DPP10: variants seen among roughly 807,000 people sequenced by gnomAD.
DPP10 encodes dipeptidyl peptidase like 10.
DPP10 carries 33 observed loss-of-function variants against 120.9 expected under a neutral mutation model. That is an observed-to-expected ratio of 0.27 (90% CI 0.21 to 0.37). The LOEUF is 0.37. Ranked by LOEUF, DPP10 falls within the 10% of genes least tolerant of loss-of-function variation. The probability of loss-of-function intolerance (pLI) is 1.00; values close to 1 mark genes in which losing one functional copy is unlikely to be tolerated. For synonymous variants in DPP10, 337 were observed against 326.1 expected, an observed-to-expected ratio of 1.03 and a Z score of -0.36; for missense variants, 816 against 942.8, an observed-to-expected ratio of 0.87 and a Z score of 1.76.
intron 1 of DPP10, among the ~76,000 whole-genome samples, chr2:114,966,876 T>C (rs1279252086): frequency 6.6e-6 from 1 of 152,058 alleles, no homozygotes; most frequent in Non-Finnish European, 1.5e-5. Context: ...ACCCTGCCTC[T>C]ACTTAAAATA....
Position 115,023,258 on chromosome 2 carries a change from A to G in DPP10, c.61-285981A>G, listed in dbSNP as rs138238399. ...TCTTCACAATCTATATATCCAACAA[A>G]GACTAATATCCAGAATCTACAAAAA... On this transcript the variant is annotated intron_variant, in intron 1 of 25. Coordinates refer to ENST00000410059, the MANE Select transcript of DPP10 (RefSeq NM_020868.6). Among the ~76,000 whole-genome samples, 852 of 152,204 alleles carry G rather than the reference A, an allele frequency of 5.6e-3. 9 individuals carry two copies. Among genetic ancestry groups the G allele is most frequent in the African/African-American group, 0.019 (804 of 41,550 alleles).
intron 11 of DPP10, among the ~76,000 whole-genome samples, chr2:115,754,957 G>A (rs1020855632): frequency 6.6e-6 from 1 of 151,898 alleles, no homozygotes; most frequent in Admixed American, 6.6e-5. Flanking sequence ...AAAAATCAAG[G>A]TAAAAGTTAA....
Position 115,161,901 on chromosome 2 carries a change from G to T in DPP10, c.61-147338G>T. 4.2e-6 allele frequency: 6 copies of T among 1,414,750 alleles called. 1 individual carries two copies. The highest frequency in any genetic ancestry group is 5.9e-5 in the Admixed American group (2 of 33,956). 87.6% of individuals were successfully genotyped at this position (1,414,750 alleles called of 1,614,324 possible). On this transcript the variant is annotated intron_variant, in intron 1 of 25. Coordinates refer to ENST00000410059, the MANE Select transcript of DPP10 (RefSeq NM_020868.6). ...TGACCTGCGAACGCTGCCAAGTGAC[G>T]GTCCCCGAGTCTGAAGCGCCCGCGA... is the stretch of plus-strand genomic sequence containing the variant.
chr2:114,956,292 TAAC>T (rs1330590236), intron 1 of DPP10, among the ~76,000 whole-genome samples: 2 of 151,728 alleles, frequency 1.3e-5, no homozygotes, highest in African/African-American at 4.8e-5. Flanking sequence ...TCCTTTATAC[TAAC>T]AACAAACTAC....
intron 1 of DPP10, among the ~76,000 whole-genome samples, chr2:114,978,670 G>T (rs1383346954): frequency 6.6e-6 from 1 of 151,924 alleles, no homozygotes; most frequent in Non-Finnish European, 1.5e-5. Context: ...TCCAAGTCCT[G>T]GTTTCAGCTG....
chr2:115,093,750 A>T (rs1709482040), intron 1 of DPP10, among the ~76,000 whole-genome samples: 2 of 152,116 alleles, frequency 1.3e-5, no homozygotes, highest in Admixed American at 1.3e-4. Context: ...AAACTTTAAG[A>T]AAATAAAATT....
intron 1 of DPP10, among the ~76,000 whole-genome samples, chr2:114,558,282 T>C (rs2104923319): frequency 6.6e-6 from 1 of 152,300 alleles, no homozygotes; most frequent in East Asian, 1.9e-4. Flanking sequence ...AAAATTGTCA[T>C]CAAAATTCAT....
chr2:114,743,778 T>C (rs1192034063), intron 1 of DPP10, among the ~76,000 whole-genome samples: 3 of 152,104 alleles, frequency 2.0e-5, no homozygotes, highest in Non-Finnish European at 4.4e-5. Flanking sequence ...AACAAGAAGT[T>C]TCATAGAGCC....
intron 1 of DPP10, among the ~76,000 whole-genome samples, chr2:114,802,331 A>C (rs1684323976): frequency 6.6e-6 from 1 of 152,240 alleles, no homozygotes; most frequent in Non-Finnish European, 1.5e-5. Context: ...GTTTGATTAC[A>C]TCCCCAAATA....
intron 7 of DPP10, among the ~76,000 whole-genome samples, chr2:115,705,263 A>G (rs181960980): frequency 1.3e-5 from 2 of 152,102 alleles, no homozygotes; most frequent in Admixed American, 6.6e-5. Flanking sequence ...CACATTTCCT[A>G]CTAAAAGTCA....
At chr2:114,781,868 G>T (rs1682357885) in intron 1 of DPP10, among the ~76,000 whole-genome samples, 1 of 152,090 alleles carries the variant, frequency 6.6e-6, no homozygotes, top group Non-Finnish European at 1.5e-5. Flanking sequence ...ATCTGCATTT[G>T]TCTCTCCTCA....
intron 1 of DPP10, chr2:115,050,062 G>A (rs1198492428): frequency 6.6e-6 from 1 of 152,134 alleles, no homozygotes; most frequent in African/African-American, 2.4e-5. Flanking sequence ...GGCAGAGTAG[G>A]AAACTTGAAA....
intron 3 of DPP10, among the ~76,000 whole-genome samples, chr2:115,416,146 T>G (rs537992102): frequency 2.0e-5 from 3 of 152,194 alleles, no homozygotes; most frequent in African/African-American, 7.2e-5. Context: ...TAAGATGCAC[T>G]GCAGAATATG....
chr2:115,205,367 A>G (rs1323027399), intron 1 of DPP10, among the ~76,000 whole-genome samples: 1 of 152,040 alleles, frequency 6.6e-6, no homozygotes, highest in Non-Finnish European at 1.5e-5. Context: ...TTTATTACTT[A>G]TTTCTGTAGA....
intron 1 of DPP10, among the ~76,000 whole-genome samples, chr2:114,982,167 A>AAAAAATG (rs1230176658): frequency 4.7e-5 from 7 of 149,372 alleles, no homozygotes; most frequent in African/African-American, 1.5e-4. Context: ...AATAAAAAAT[A>AAAAAATG]AAAAAACACT....
chr2:115,111,818 G>GT (rs745968149), intron 1 of DPP10, among the ~76,000 whole-genome samples: 14 of 152,164 alleles, frequency 9.2e-5, no homozygotes, highest in Non-Finnish European at 1.5e-4. Context: ...ACTGGGTTTA[G>GT]TTTTTTCATT....
chr2:115,507,249 T>C (rs955377244), intron 4 of DPP10, among the ~76,000 whole-genome samples: 1 of 152,178 alleles, frequency 6.6e-6, no homozygotes, highest in Non-Finnish European at 1.5e-5. Context: ...AAATGACTCA[T>C]TATGCCTTAT....
intron 3 of DPP10, among the ~76,000 whole-genome samples, chr2:115,367,259 T>C (rs2065135595): frequency 1.3e-5 from 2 of 151,970 alleles, no homozygotes; most frequent in African/African-American, 2.4e-5. Context: ...TGTGTGTGCG[T>C]GTGTGTGTTG....
At chr2:114,895,655 C>T (rs932284321) in intron 1 of DPP10, among the ~76,000 whole-genome samples, 2 of 152,126 alleles carry the variant, frequency 1.3e-5, no homozygotes, top group East Asian at 1.9e-4. Flanking sequence ...ATTTTGATCA[C>T]GTCATGAACA....
Sources: allele counts gnomAD v4.1 joint callset (sites outside exome capture counted in the v4.1 genomes callset), GRCh38; gene constraint gnomAD v4.1.1; transcripts MANE v1.5; gene names NCBI Gene and HGNC (gene_info 2026-07-23, HGNC 2026-07-21).